Variants in DNAJC27 observed in about 807,000 individuals in gnomAD.
DNAJC27 encodes DnaJ heat shock protein family (Hsp40) member C27, also known as dnaJ homolog subfamily C member 27.
In DNAJC27, 25 loss-of-function variants were observed where a neutral mutation model predicts 31.4. The observed-to-expected ratio is 0.80, with a 90% CI of 0.58 to 1.11. DNAJC27 has a LOEUF of 1.11. Among genes scored for constraint, DNAJC27 ranks in the 50% most tolerant of loss-of-function variants. DNAJC27 has a pLI of 0.00. For synonymous variants in DNAJC27, 106 were observed against 112.7 expected (o/e 0.94, Z 0.37); for missense variants, 356 against 347.3 (o/e 1.02, Z -0.20).
At chr2:24,966,007 A>G (rs897529425) in intron 2 of DNAJC27, among the ~76,000 whole-genome samples, 5 of 152,220 alleles carry the variant, frequency 3.3e-5, no homozygotes, top group Non-Finnish European at 7.3e-5. Flanking sequence ...ACATATACAA[A>G]TAATAACAAT....
At chr2:24,964,073 C>CT (rs1018377158) in intron 2 of DNAJC27, among the ~76,000 whole-genome samples, 7 of 151,740 alleles carry the variant, frequency 4.6e-5, no homozygotes, top group East Asian at 1.9e-4. Flanking sequence ...TGTTCCTAGT[C>CT]TTTTTTTTCA....
In DNAJC27 at chr2:24,945,510, T is replaced by C. The variant is rs1188043895; in HGVS notation, c.*2106A>G. ...GAGGGCCACACATTCAGAGTTGTCG[T>C]GTCAATTCGGGCTGACGCTACCGTG... On this transcript the variant is annotated 3_prime_UTR_variant, in exon 7 of 7. Coordinates refer to ENST00000264711, the MANE Select transcript of DNAJC27 (RefSeq NM_016544.3). The C allele has an allele frequency of 6.6e-6, 1 of 152,228 alleles. No homozygotes were observed. Among genetic ancestry groups the C allele is most frequent in the Non-Finnish European group, 1.5e-5 (1 of 68,046 alleles). The allele number at this position is 152,228 out of a possible 1,614,324, so 9.4% of individuals were successfully genotyped here.
chr2:24,971,735 G>C, intron 1 of DNAJC27, 83 bp downstream of exon 1: 4 of 1,258,360 alleles, frequency 3.2e-6, no homozygotes, highest in Non-Finnish European at 4.4e-6. Context: ...CGGGCCCCAG[G>C]CTGTTGAGTG....
At chr2:24,951,292 G>A (rs1437637293) in intron 6 of DNAJC27, 102 bp downstream of exon 6, 10 of 1,176,344 alleles carry the variant, frequency 8.5e-6, no homozygotes, top group Non-Finnish European at 1.1e-5. Context: ...ATACATCTTC[G>A]TATTTCCAGC....
chr2:24,958,376 A>G (rs1021181534), intron 3 of DNAJC27, among the ~76,000 whole-genome samples: 4 of 152,250 alleles, frequency 2.6e-5, no homozygotes, highest in African/African-American at 9.6e-5. Context: ...GGGTACAGCC[A>G]TTTATAAATC....
At chr2:24,967,135 T>G in intron 2 of DNAJC27, 76 bp downstream of exon 2, 1 of 1,125,948 alleles carries the variant, frequency 8.9e-7, no homozygotes, top group Non-Finnish European at 1.3e-6. Context: ...ACAAGAGCAC[T>G]GATGCAAATA....
Position 24,957,851 on chromosome 2 carries a change from C to T in DNAJC27, c.364G>A (p.Gly122Arg). 1 of 1,614,140 alleles carries T rather than the reference C, an allele frequency of 6.2e-7. No homozygotes were observed. Among genetic ancestry groups the T allele is most frequent in the Non-Finnish European group, 8.5e-7 (1 of 1,179,986 alleles). Reference protein sequence around the residue: ...AEMKQELGPHGNMENIIFVVC... With the variant: ...AEMKQELGPHRNMENIIFVVC... The stretch of plus-strand genomic sequence containing the variant: ...ACAAATATAATATTTTCCATGTTTC[C>T]ATGAGGTCCAAGCTCTTGCTTCATT... Residue 122 changes from glycine (G) to arginine (R), a missense_variant, in exon 4 of 7, where the codon GGA (glycine) becomes AGA (arginine). Gly to Arg is a moderately radical substitution (Grantham distance 125). Transcript: ENST00000264711.
chr2:24,958,097 GTTTC>G, intron 3 of DNAJC27, 123 bp from the exon 4 acceptor site: 1 of 839,316 alleles, frequency 1.2e-6, no homozygotes, highest in Admixed American at 3.1e-5. Context: ...TATTGTATCT[GTTTC>G]TACTGGTCAT....
At chr2:24,955,710 A>T (rs953652720) in intron 5 of DNAJC27, among the ~76,000 whole-genome samples, 1 of 152,358 alleles carries the variant, frequency 6.6e-6, no homozygotes, top group African/African-American at 2.4e-5. Context: ...TACAGAGATT[A>T]ATAAGAGTCA....
chr2:24,949,976 A>T (rs1665728644), intron 6 of DNAJC27, among the ~76,000 whole-genome samples: 1 of 151,506 alleles, frequency 6.6e-6, no homozygotes. Context: ...ATCTTAAAAT[A>T]TATATGGAAT....
At chr2:24,950,499 G>A (rs1558550396) in intron 6 of DNAJC27, among the ~76,000 whole-genome samples, 2 of 152,150 alleles carry the variant, frequency 1.3e-5, no homozygotes, top group Non-Finnish European at 2.9e-5. Flanking sequence ...ACAAAGAATA[G>A]TGATTGAATT....
chr2:24,964,083 AT>A (rs998628673), intron 2 of DNAJC27, among the ~76,000 whole-genome samples: 2 of 152,064 alleles, frequency 1.3e-5, no homozygotes, highest in Admixed American at 1.3e-4. Context: ...CTTTTTTTTC[AT>A]GAAAAATCAC....
At chr2:24,969,253 T>C in intron 1 of DNAJC27, 1 of 179,682 alleles carries the variant, frequency 5.6e-6, no homozygotes, top group South Asian at 1.3e-4. Flanking sequence ...AATCATGTTT[T>C]AACTTCCAAT....
Position 24,971,839 on chromosome 2 carries a change from C to A in DNAJC27, c.66G>T (p.Met22Ile). The A allele has an allele frequency of 1.2e-6, 2 of 1,609,718 alleles. No individual in the cohort carries two copies. The highest frequency in any genetic ancestry group is 2.2e-5 in the South Asian group (2 of 90,402). Residue 22 changes from methionine (M) to isoleucine (I), a missense_variant, in exon 1 of 7, where the codon ATG becomes ATT. Met to Ile is a conservative substitution (Grantham distance 10, BLOSUM62 1). Transcript: ENST00000264711. ...GRSLRIKVIS[M>I]GNAEVGKSCI... ...TCACTTTCCCCACTTCGGCGTTGCC[C>A]ATGGAGATGACTTTGATGCGGAGAG...
chr2:24,960,133 T>G (rs1158495403), intron 3 of DNAJC27, among the ~76,000 whole-genome samples: 3 of 152,246 alleles, frequency 2.0e-5, no homozygotes, highest in African/African-American at 7.2e-5. Context: ...CAGTGTGTGT[T>G]CACTTTATGT....
intron 1 of DNAJC27, among the ~76,000 whole-genome samples, chr2:24,968,128 CAG>C (rs1168485542): frequency 6.6e-6 from 1 of 152,166 alleles, no homozygotes; most frequent in Non-Finnish European, 1.5e-5. Flanking sequence ...ACTCACTTCA[CAG>C]AGTATTGTAC....
chr2:24,964,421 CAA>C (rs771037919), intron 2 of DNAJC27, among the ~76,000 whole-genome samples: 16 of 74,766 alleles, frequency 2.1e-4, no homozygotes, highest in Non-Finnish European at 2.7e-4. Flanking sequence ...GACTCCGTCT[CAA>C]AAAAAAAAAA....
chr2:24,966,110 C>T (rs925562955), intron 2 of DNAJC27, among the ~76,000 whole-genome samples: 1 of 152,070 alleles, frequency 6.6e-6, no homozygotes, highest in African/African-American at 2.4e-5. Flanking sequence ...CAATAAAGGG[C>T]ATGTTTAGAA....
chr2:24,964,283 G>A (rs181141130), intron 2 of DNAJC27, among the ~76,000 whole-genome samples: 3 of 152,030 alleles, frequency 2.0e-5, no homozygotes, highest in Admixed American at 6.6e-5. Context: ...TTAGCCGGGC[G>A]TGGTGGTGGG....
Sources: gnomAD v4.1 joint callset for allele counts (sites outside exome capture counted in the v4.1 genomes callset) on GRCh38, gnomAD v4.1.1 for gene constraint, MANE v1.5 for transcripts, NCBI Gene and HGNC (gene_info 2026-07-23, HGNC 2026-07-21) for gene names.